Variants in MADD observed in about 807,000 individuals in gnomAD.
MADD encodes MAP kinase-activating death domain protein.
Under a neutral mutation model 176.7 loss-of-function variants are expected in MADD, and 109 were observed. The ratio of observed to expected loss-of-function variants is 0.62; its 90% confidence interval spans 0.53 to 0.72. The LOEUF (loss-of-function observed/expected upper bound fraction) is 0.72, where lower values mean the gene tolerates loss of function less well. MADD is among the 30% of genes least tolerant of loss of function. The pLI is 0.00. For missense variants in MADD, 1,914 were observed against 2,045.5 expected, an observed-to-expected ratio of 0.94 and a Z score of 1.24; for synonymous variants, 771 against 771.3, an observed-to-expected ratio of 1.00 and a Z score of 0.01.
intron 21 of MADD, 61 bp downstream of exon 23, chr11:47,295,640 G>C: frequency 3.7e-6 from 6 of 1,609,962 alleles, no homozygotes; most frequent in South Asian, 1.1e-5. Flanking sequence ...TTTGGAAAAG[G>C]GTGCTACTTT....
Position 47,324,590 on chromosome 11 carries a change from G to A in MADD, c.4542+13G>A, listed in dbSNP as rs763354699. 1.5e-5 allele frequency: 24 copies of A among 1,556,204 alleles called. No homozygotes were observed. Among genetic ancestry groups the A allele is most frequent in the Admixed American group, 1.2e-4 (7 of 59,820 alleles). The stretch of plus-strand genomic sequence containing the variant: ...CATGCACAATCAGGTAGGTGCGAGC[G>A]GCAGCACGAGGCTCCCTGTCGTTCC... On this transcript the variant is annotated intron_variant, in intron 30 of 32. Coordinates refer to ENST00000402192, the Ensembl canonical transcript of MADD.
chr11:47,315,620 G>A (rs1323811548), intron 27 of MADD, among the ~76,000 whole-genome samples: 1 of 150,260 alleles, frequency 6.7e-6, no homozygotes, highest in Non-Finnish European at 1.5e-5. Context: ...GATTACAGGC[G>A]CCAGCCACCA....
At position 47,274,994 on chromosome 11, in the gene MADD, C is replaced by G. The variant is rs138776960; in HGVS notation, c.494C>G (p.Ala165Gly). Residue 165 changes from alanine to glycine, a missense_variant, in exon 3 of 33, where the codon GCG becomes GGG. By Grantham distance (60) the Ala-to-Gly change is moderately conservative. This residue lies in a region of MADD where 1,767 missense variants were observed against 1,836.0 expected (regional missense o/e 0.96). Coordinates refer to ENST00000402192, the Ensembl canonical transcript of MADD. ...CCTCGGGGCAAACGCCGGGCCAAGG[C>G]GGGGAGCCGCTCCCGCAACAGTACT... is the stretch of plus-strand genomic sequence containing the variant. 9.9e-6 allele frequency: 16 copies of G among 1,613,826 alleles called. No individual in the cohort carries two copies. The highest frequency in any genetic ancestry group is 1.2e-5 in the Non-Finnish European group (14 of 1,180,024).
intron 15 of MADD, among the ~76,000 whole-genome samples, chr11:47,287,152 C>T (rs893009388): frequency 1.3e-4 from 20 of 152,144 alleles, no homozygotes; most frequent in African/African-American, 4.6e-4. Context: ...GGCGAAACGC[C>T]GTCTCTGCTA....
rs7932148 is a variant in MADD, at chr11:47,325,027, T to C, written c.4542+450T>C. ...TGTGCGTGCGTGCGTGCCTGCGTGC[T>C]TGTGTGTAAGTAGCTTGTATCTGTC... On this transcript the variant is annotated intron_variant, in intron 30 of 32. Coordinates refer to ENST00000402192, the Ensembl canonical transcript of MADD. The surrounding 1 kb of genome is among the most constrained non-coding windows in gnomAD (Gnocchi z 4.5). 487,120 of 487,970 alleles carry C rather than the reference T, an allele frequency of 1. 243,137 individuals are homozygous for C. The highest frequency in any genetic ancestry group is 1 in the East Asian group (26,812 of 26,812). 30.2% of individuals were successfully genotyped at this position (487,970 alleles called of 1,614,324 possible).
At position 47,293,999 on chromosome 11, in the gene MADD, G is replaced by A. The variant is rs1681533150; in HGVS notation, c.3402+16G>A. 1.9e-6 allele frequency: 3 copies of A among 1,594,148 alleles called. No homozygotes were observed. Among genetic ancestry groups the A allele is most frequent in the Non-Finnish European group, 8.6e-7 (1 of 1,162,074 alleles). On this transcript the variant is annotated intron_variant, in intron 20 of 32. Coordinates refer to ENST00000402192, the Ensembl canonical transcript of MADD. The stretch of plus-strand genomic sequence containing the variant: ...TAGTTCCCAGGTTTGTGACAACCTT[G>A]TTGAAATTTGCAAGTATTAAATATG...
intron 27 of MADD, among the ~76,000 whole-genome samples, chr11:47,323,369 G>A (rs1040173581): frequency 6.6e-6 from 1 of 151,524 alleles, no homozygotes; most frequent in Non-Finnish European, 1.5e-5. Context: ...CTGCAGTCAA[G>A]CCTGGGGTAC....
exon 4 of MADD, chr11:47,276,061 A>C: frequency 6.2e-7 from 1 of 1,614,192 alleles, no homozygotes; most frequent in Non-Finnish European, 8.5e-7. Context: ...TCCTACCCCA[A>C]GAGCTCCAGC....
rs1014921100 is a variant in MADD at position 47,286,425 on chromosome 11, C to T, written c.2552-8C>T. ...CAAGTCATCGCTCTTGCACCCTCCC[C>T]TTGATAGGCAGCCTCTATCGGAACC... is the stretch of plus-strand genomic sequence containing the variant. On this transcript the variant is annotated splice_polypyrimidine_tract_variant and splice_region_variant and intron_variant, in intron 14 of 32. Coordinates refer to ENST00000402192, the Ensembl canonical transcript of MADD. The T allele has an allele frequency of 6.2e-7, 1 of 1,608,174 alleles. No homozygotes were observed. The highest frequency in any genetic ancestry group is 8.5e-7 in the Non-Finnish European group (1 of 1,174,510).
At chr11:47,289,100 T>C in intron 15 of MADD, 73 bp downstream of exon 16, 1 of 1,413,634 alleles carries the variant, frequency 7.1e-7, no homozygotes, top group East Asian at 2.3e-5. Flanking sequence ...CCGAGGGCCA[T>C]CCTTCTCATG....
chr11:47,282,988 G>C lies in MADD; in HGVS notation c.1862+19G>C. ...ATGATAGGTGAGCATCCTTAGGGCA[G>C]CAAAAAGGTTTTAAAGGTGAGGAGG... On this transcript the variant is annotated intron_variant, in intron 10 of 32. Transcript: ENST00000402192. 6.2e-7 allele frequency: 1 copy of C among 1,606,670 alleles called. No individual in the cohort carries two copies. The highest frequency in any genetic ancestry group is 8.5e-7 in the Non-Finnish European group (1 of 1,175,226).
intron 17 of MADD, 30 bp from the exon 19 acceptor site, chr11:47,290,119 C>T (rs748949251): frequency 7.4e-6 from 12 of 1,612,324 alleles, no homozygotes; most frequent in South Asian, 2.2e-5. Flanking sequence ...AGGCAATTTG[C>T]CAACGCTAGC....
rs557907564 is a variant in MADD, at chr11:47,285,007, G to A, written c.2224G>A (p.Val742Met). Residue 742 changes from valine to methionine, a missense_variant, in exon 13 of 33, where the codon GTG becomes ATG. This residue lies in a region of MADD where 1,767 missense variants were observed against 1,836.0 expected (regional missense o/e 0.96). Coordinates refer to ENST00000402192, the Ensembl canonical transcript of MADD. ...AGGCGTCTCCAAGCCCCTCCCTTCCGTGCCTCCCAGCATTGGCAAATCGAA... is the reference window on the plus strand; with the variant it reads ...AGGCGTCTCCAAGCCCCTCCCTTCCATGCCTCCCAGCATTGGCAAATCGAA... 2.9e-5 allele frequency: 46 copies of A among 1,613,936 alleles called. 1 individual carries two copies. The East Asian group carries it at 4.7e-4, about 16-fold the overall frequency.
At chr11:47,273,161 G>A (rs1229758027) in intron 1 of MADD, among the ~76,000 whole-genome samples, 3 of 152,212 alleles carry the variant, frequency 2.0e-5, no homozygotes, top group African/African-American at 4.8e-5. Context: ...AGCTAGTTGA[G>A]GAGTCTGGTT....
At chr11:47,293,391 T>C (rs1228964312) in intron 19 of MADD, among the ~76,000 whole-genome samples, 1 of 151,380 alleles carries the variant, frequency 6.6e-6, no homozygotes, top group African/African-American at 2.4e-5. Context: ...AACCTCTGCC[T>C]CCAGGGCTCA....
In MADD at chr11:47,297,742, G is replaced by A. The variant is rs116645460; in HGVS notation, c.3642+1687G>A. Among the ~76,000 whole-genome samples, 1,451 of 150,738 alleles carry A rather than the reference G, an allele frequency of 9.6e-3. 30 individuals carry two copies. The highest frequency in any genetic ancestry group is 0.034 in the African/African-American group (1,392 of 41,148). Reference sequence around the variant, plus strand: ...ATTACAGGCGTGAGCCACTGCTCCCGGCCAAGGGTTTTCAATAATGTTTTC... The same window carrying A: ...ATTACAGGCGTGAGCCACTGCTCCCAGCCAAGGGTTTTCAATAATGTTTTC... On this transcript the variant is annotated intron_variant, in intron 22 of 32. Transcript: ENST00000402192.
At chr11:47,282,755 CG>C in intron 9 of MADD, 57 bp from the exon 10 acceptor site, 1 of 1,599,962 alleles carries the variant, frequency 6.3e-7, no homozygotes, top group Admixed American at 1.7e-5. Context: ...TTCTTTCAGG[CG>C]TTGCTTGCCT....
exon 7 of MADD, chr11:47,279,032 A>C (rs2053532934): frequency 6.2e-7 from 1 of 1,614,114 alleles, no homozygotes; most frequent in Non-Finnish European, 8.5e-7. Flanking sequence ...AGTGCTGCCT[A>C]TCCTGCCAGA....
chr11:47,278,377 T>G (rs1227225217), intron 6 of MADD, 99 bp downstream of exon 6: 5 of 875,798 alleles, frequency 5.7e-6, no homozygotes, highest in Admixed American at 3.9e-5. Context: ...AGGAACGTCC[T>G]AAGTTGTTGG....
Sources: allele counts gnomAD v4.1 joint callset (sites outside exome capture counted in the v4.1 genomes callset), GRCh38; gene constraint gnomAD v4.1.1; regional missense constraint gnomAD v4.1.1; non-coding constraint Gnocchi (gnomAD v3.1); transcripts MANE v1.5; gene names NCBI Gene and HGNC (gene_info 2026-07-23, HGNC 2026-07-21).